Variants in SCAMP1 observed in about 807,000 individuals in gnomAD.
SCAMP1 encodes secretory carrier membrane protein 1.
In SCAMP1, 15 loss-of-function variants were observed where a neutral mutation model predicts 41.8. The observed-to-expected ratio is 0.36, with a 90% CI of 0.24 to 0.55. The LOEUF (loss-of-function observed/expected upper bound fraction) is 0.55. SCAMP1 is among the 20% of genes least tolerant of loss of function. SCAMP1 has a pLI of 0.86. For missense variants in SCAMP1, 341 were observed against 412.6 expected (o/e 0.83, Z 1.50); for synonymous variants, 135 against 136.8 (o/e 0.99, Z 0.09).
Position 78,415,570 on chromosome 5 carries a change from A to C in SCAMP1, c.186A>C (p.Ala62=). ...KMPNVPNTQP[A]IMKPTEEHPA... ...CTAATGTACCCAATACACAACCAGC[A>C]ATAATGAAACCAACAGAGGAACATC... The change falls in exon 3 of 9, where the codon GCA becomes GCC. Residue 62 remains alanine, a synonymous_variant. Transcript: ENST00000621999. 6.2e-7 allele frequency: 1 copy of C among 1,608,434 alleles called. No individual in the cohort carries two copies. Among genetic ancestry groups the C allele is most frequent in the Non-Finnish European group, 8.5e-7 (1 of 1,177,280 alleles).
At chr5:78,472,906 C>G (rs1753919650) in intron 8 of SCAMP1, among the ~76,000 whole-genome samples, 1 of 152,098 alleles carries the variant, frequency 6.6e-6, no homozygotes. Flanking sequence ...AAGAGACAGA[C>G]AAGTGAATCC....
Position 78,390,241 on chromosome 5 carries a change from T to G in SCAMP1, c.135+1327T>G, listed in dbSNP as rs540419146. 2.8e-4 allele frequency among the ~76,000 whole-genome samples: 43 copies of G among 152,356 alleles called. 1 individual carries two copies. The South Asian group carries it at 8.9e-3, about 32-fold the overall frequency. On this transcript the variant is annotated intron_variant, in intron 2 of 8. Transcript: ENST00000621999. The stretch of plus-strand genomic sequence containing the variant: ...CATTTGGTATCAATAGTATTGTTGG[T>G]AAAAACAGTCCAAAAGTAAAAGCAT...
intron 8 of SCAMP1, among the ~76,000 whole-genome samples, chr5:78,469,897 A>C (rs868162966): frequency 8.8e-5 from 3 of 34,216 alleles, no homozygotes; most frequent in South Asian, 2.7e-3. Flanking sequence ...CATTAAAAAA[A>C]AAAAAAAAAA....
At chr5:78,400,336 G>T (rs1414305201) in intron 2 of SCAMP1, among the ~76,000 whole-genome samples, 1 of 152,084 alleles carries the variant, frequency 6.6e-6, no homozygotes, top group African/African-American at 2.4e-5. Context: ...TCCATATTGT[G>T]TTGACTGTTT....
chr5:78,407,564 G>A (rs1256753824), intron 2 of SCAMP1, among the ~76,000 whole-genome samples: 1 of 149,564 alleles, frequency 6.7e-6, no homozygotes, highest in Non-Finnish European at 1.5e-5. Flanking sequence ...TTGTGTTTTA[G>A]GGTTTTGAAT....
At chr5:78,361,699 C>A (rs1216491574) in intron 1 of SCAMP1, among the ~76,000 whole-genome samples, 1 of 152,228 alleles carries the variant, frequency 6.6e-6, no homozygotes, top group East Asian at 1.9e-4. Context: ...TAATTTGTTT[C>A]CAACTGTTGG....
intron 2 of SCAMP1, among the ~76,000 whole-genome samples, chr5:78,394,429 C>T (rs1420006679): frequency 6.6e-6 from 1 of 151,952 alleles, no homozygotes; most frequent in Non-Finnish European, 1.5e-5. Flanking sequence ...TGCTTTGTTG[C>T]CCAGGCTGGT....
chr5:78,404,460 T>G (rs1431433740), intron 2 of SCAMP1, among the ~76,000 whole-genome samples: 1 of 147,494 alleles, frequency 6.8e-6, no homozygotes, highest in East Asian at 2.0e-4. Context: ...CAGGTTTTTT[T>G]TTTTTTTTTT....
At chr5:78,448,915 G>A (rs1004934018) in intron 6 of SCAMP1, among the ~76,000 whole-genome samples, 7 of 151,766 alleles carry the variant, frequency 4.6e-5, no homozygotes, top group South Asian at 2.1e-4. Context: ...CAGGAGAATC[G>A]CTTGAACCTG....
intron 4 of SCAMP1, among the ~76,000 whole-genome samples, chr5:78,417,746 C>T (rs1752243719): frequency 1.3e-5 from 2 of 152,122 alleles, no homozygotes; most frequent in African/African-American, 4.8e-5. Flanking sequence ...GGTTCCAGAG[C>T]CTCTCTTCTT....
chr5:78,405,863 A>C (rs906094820), intron 2 of SCAMP1, among the ~76,000 whole-genome samples: 1 of 152,210 alleles, frequency 6.6e-6, no homozygotes, highest in African/African-American at 2.4e-5. Flanking sequence ...GTCCTTCCCC[A>C]GACAATTATC....
intron 6 of SCAMP1, among the ~76,000 whole-genome samples, chr5:78,430,131 T>A (rs1217889028): frequency 3.2e-5 from 2 of 61,786 alleles, no homozygotes; most frequent in African/African-American, 1.1e-4. Context: ...CAGTATTTAT[T>A]TATAAATACA....
intron 6 of SCAMP1, among the ~76,000 whole-genome samples, chr5:78,449,024 T>C (rs1431121623): frequency 6.7e-6 from 1 of 149,114 alleles, no homozygotes; most frequent in Non-Finnish European, 1.5e-5. Flanking sequence ...AAAATGTAAA[T>C]AAAAATAGAA....
chr5:78,459,539 C>T (rs566706829), intron 8 of SCAMP1, among the ~76,000 whole-genome samples, 177 bp downstream of exon 8: 6 of 152,254 alleles, frequency 3.9e-5, no homozygotes, highest in East Asian at 3.9e-4. Context: ...TAGAAAATTG[C>T]ATCACATTTT....
intron 6 of SCAMP1, among the ~76,000 whole-genome samples, chr5:78,424,505 G>C (rs1203423497): frequency 6.6e-6 from 1 of 152,078 alleles, no homozygotes; most frequent in East Asian, 1.9e-4. Context: ...AGAGGCTGGC[G>C]GATCACATGA....
chr5:78,399,029 T>C (rs1751734156), intron 2 of SCAMP1, among the ~76,000 whole-genome samples: 1 of 152,236 alleles, frequency 6.6e-6, no homozygotes, highest in African/African-American at 2.4e-5. Context: ...GTCTCCATAG[T>C]TTTGCCTTTT....
Position 78,405,921 on chromosome 5 carries a change from T to A in SCAMP1, c.136-9599T>A, listed in dbSNP as rs575525857. Among the ~76,000 whole-genome samples the A allele has an allele frequency of 7.2e-5, 11 of 152,330 alleles. 1 individual carries two copies. The South Asian group carries it at 2.3e-3, about 32-fold the overall frequency. On this transcript the variant is annotated intron_variant, in intron 2 of 8. Coordinates refer to ENST00000621999, the MANE Select transcript of SCAMP1 (RefSeq NM_004866.6). Reference sequence around the variant, plus strand: ...TAAAGTGATTAGTCTAATAAAGTTATGTCTGTTTGTCCTGATTCTGAGATT... The same window carrying A: ...TAAAGTGATTAGTCTAATAAAGTTAAGTCTGTTTGTCCTGATTCTGAGATT...
At chr5:78,431,750 AC>A (rs1752630708) in intron 6 of SCAMP1, among the ~76,000 whole-genome samples, 1 of 150,434 alleles carries the variant, frequency 6.6e-6, no homozygotes. Context: ...CCCCTTCCCA[AC>A]CTTTATACAG....
intron 7 of SCAMP1, among the ~76,000 whole-genome samples, chr5:78,457,093 T>G (rs1580711379): frequency 7.4e-6 from 1 of 134,306 alleles, no homozygotes; most frequent in East Asian, 2.3e-4. Flanking sequence ...CTTCTAAATT[T>G]TTTTCAAAGT....
Sources: gnomAD v4.1 joint callset for allele counts (sites outside exome capture counted in the v4.1 genomes callset) on GRCh38, gnomAD v4.1.1 for gene constraint, MANE v1.5 for transcripts, NCBI Gene and HGNC (gene_info 2026-07-23, HGNC 2026-07-21) for gene names.